The following TFF2 variants were observed in gnomAD, a reference collection of about 807,000 sequenced individuals.
The protein encoded by TFF2 is trefoil factor 2.
TFF2 carries 19 observed loss-of-function variants against 16.0 expected under a neutral mutation model. That is an observed-to-expected ratio of 1.19 (90% CI 0.83 to 1.74). TFF2 has a LOEUF of 1.74. Ranked by LOEUF, TFF2 falls within the 40% of genes most tolerant of loss-of-function variation. The probability of loss-of-function intolerance (pLI) is 0.00; values close to 1 mark genes in which losing one functional copy is unlikely to be tolerated. For missense variants in TFF2, 168 were observed against 166.8 expected (o/e 1.01, Z -0.04); for synonymous variants, 61 against 65.4 (o/e 0.93, Z 0.32).
rs1270153960 is a variant in TFF2 at position 42,350,005 on chromosome 21, G to T, written c.105C>A (p.Ser35Arg). The change falls in exon 2 of 4, where the codon AGC (serine) becomes AGA (arginine). Residue 35 changes from serine (S) to arginine (R), a missense_variant. Transcript: ENST00000291526. ...AGCCGCAGTTCGTCCTGTTATGGGGGCTCAGCCTGGAGCACTGGCAGGGGG... is the reference window on the plus strand; with the variant it reads ...AGCCGCAGTTCGTCCTGTTATGGGGTCTCAGCCTGGAGCACTGGCAGGGGG... The part of the protein sequence containing the change: ...KPSPCQCSRL[S>R]PHNRTNCGFP... 1.9e-6 allele frequency: 3 copies of T among 1,599,744 alleles called. No individual in the cohort carries two copies. The highest frequency in any genetic ancestry group is 1.3e-5 in the African/African-American group (1 of 74,896).
chr21:42,350,230 G>GA, intron 1 of TFF2, 200 bp from the exon 2 acceptor site: 13 of 1,171,410 alleles, frequency 1.1e-5, no homozygotes, highest in South Asian at 7.0e-5. Flanking sequence ...TAGTTTAAAA[G>GA]GAAAAAAAAA....
intron 1 of TFF2, chr21:42,350,231 G>C: frequency 1.0e-6 from 1 of 965,140 alleles, no homozygotes; most frequent in Non-Finnish European, 1.3e-6. Context: ...AGTTTAAAAG[G>C]AAAAAAAAAA....
chr21:42,346,361 G>A lies in TFF2; in HGVS notation c.*172C>T. Reference sequence around the variant, plus strand: ...GTTAATGAAACCAAAAAGAAATTTAGCAGATTTTAAGGGTTTTATTTAAAG... The same window carrying A: ...GTTAATGAAACCAAAAAGAAATTTAACAGATTTTAAGGGTTTTATTTAAAG... On this transcript the variant is annotated 3_prime_UTR_variant, in exon 4 of 4. Coordinates refer to ENST00000291526, the MANE Select transcript of TFF2 (RefSeq NM_005423.5). 2 of 863,720 alleles carry A rather than the reference G, an allele frequency of 2.3e-6. No homozygotes were observed. Among genetic ancestry groups the A allele is most frequent in the South Asian group, 3.4e-5 (2 of 59,062 alleles). 53.5% of individuals were successfully genotyped at this position (863,720 alleles called of 1,614,324 possible).
rs149954957 is a variant in TFF2 at position 42,350,456 on chromosome 21, C to T, written c.79+423G>A. The stretch of plus-strand genomic sequence containing the variant: ...GCTGAGGTGGGAGGATCACTTGAGC[C>T]TGGGAGGCAGAGGTTGCAGTGAGCC... On this transcript the variant is annotated intron_variant, in intron 1 of 3. Coordinates refer to ENST00000291526, the MANE Select transcript of TFF2 (RefSeq NM_005423.5). 73 of 183,944 alleles carry T rather than the reference C, an allele frequency of 4.0e-4. No individual in the cohort carries two copies. In the East Asian group the frequency reaches 0.011, roughly 27 times the overall value. The allele number at this position is 183,944 out of a possible 1,614,324, so 11.4% of individuals were successfully genotyped here. A position where few individuals can be genotyped will look rare whatever the true frequency, so the allele number is the denominator to read the frequency against.
Position 42,349,893 on chromosome 21 carries a change from G to C in TFF2, c.217C>G (p.Leu73Val). ...CCTGGAAGATTACCTTGCTTTGGGA[G>C]GGGGTGGAAACACCAGGGGACCCCA... Reference protein sequence around the residue: ...VTGVPWCFHPLPKQESDQCVM... With the variant: ...VTGVPWCFHPVPKQESDQCVM... The change falls in exon 2 of 4, where the codon CTC becomes GTC. Residue 73 changes from leucine to valine, a missense_variant. Coordinates refer to ENST00000291526, the MANE Select transcript of TFF2 (RefSeq NM_005423.5). The C allele has an allele frequency of 1.3e-6, 2 of 1,597,396 alleles. No individual in the cohort carries two copies. The highest frequency in any genetic ancestry group is 2.3e-5 in the East Asian group (1 of 44,320).
chr21:42,348,306 A>G (rs1261055800), intron 2 of TFF2, among the ~76,000 whole-genome samples: 1 of 152,168 alleles, frequency 6.6e-6, no homozygotes, highest in Non-Finnish European at 1.5e-5. Context: ...GAACCCTAGA[A>G]GGCTTCACTT....
intron 3 of TFF2, among the ~76,000 whole-genome samples, chr21:42,347,251 T>A (rs1398838942): frequency 6.6e-6 from 1 of 152,248 alleles, no homozygotes. Context: ...CCGCTGTTTC[T>A]AGAGCCATCA....
At position 42,347,655 on chromosome 21, in the gene TFF2, C is replaced by T. The variant is rs767772397; in HGVS notation, c.230-23G>A. On this transcript the variant is annotated intron_variant, in intron 2 of 3. Transcript: ENST00000291526. Reference sequence around the variant, plus strand: ...ACTCTGCCATGGGACAGGCACAGCACCGAGACCCAGTCAGGCCTGCTGTGC... The same window carrying T: ...ACTCTGCCATGGGACAGGCACAGCATCGAGACCCAGTCAGGCCTGCTGTGC... 4 of 1,611,866 alleles carry T rather than the reference C, an allele frequency of 2.5e-6. No individual in the cohort carries two copies. The South Asian group carries it at 4.4e-5, about 18-fold the overall frequency.
intron 2 of TFF2, among the ~76,000 whole-genome samples, chr21:42,348,761 C>G (rs2052089577): frequency 2.6e-5 from 4 of 151,904 alleles, no homozygotes; most frequent in African/African-American, 9.7e-5. Context: ...CCAACCTAAC[C>G]AACCTGGGCT....
rs977073263 is a variant in TFF2 at position 42,347,612 on chromosome 21, C to G, written c.250G>C (p.Glu84Gln). The change falls in exon 3 of 4, where the codon GAG becomes CAG. Residue 84 changes from glutamate to glutamine, a missense_variant. By Grantham distance (29) the Glu-to-Gln change is conservative (BLOSUM62 2). Coordinates refer to ENST00000291526, the MANE Select transcript of TFF2 (RefSeq NM_005423.5). Reference sequence around the variant, plus strand: ...CCACAGTTTCTTCGGTCTGAGACCTCCATGACGCACTGATCCGACTCTGCC... The same window carrying G: ...CCACAGTTTCTTCGGTCTGAGACCTGCATGACGCACTGATCCGACTCTGCC... The part of the protein sequence containing the change: ...PKQESDQCVM[E>Q]VSDRRNCGYP... 3.1e-6 allele frequency: 5 copies of G among 1,614,054 alleles called. No individual in the cohort carries two copies. In the African/African-American group the frequency reaches 4.0e-5, roughly 13 times the overall value.
At chr21:42,348,647 G>T (rs1240538303) in intron 2 of TFF2, among the ~76,000 whole-genome samples, 1 of 151,742 alleles carries the variant, frequency 6.6e-6, no homozygotes, top group Admixed American at 6.6e-5. Flanking sequence ...ACTAGTCCCA[G>T]ACTAACCAAT....
chr21:42,346,417 A>G lies in TFF2; in HGVS notation c.*116T>C, dbSNP rs2052067956. On this transcript the variant is annotated 3_prime_UTR_variant, in exon 4 of 4. Transcript: ENST00000291526. ...ATATGTTAAACCATTGAAAATGAGG[A>G]AAAGATGGTTAAGAAAACCCAGGAT... 5 of 1,315,202 alleles carry G rather than the reference A, an allele frequency of 3.8e-6. No homozygotes were observed. In the East Asian group the frequency reaches 1.2e-4, roughly 30 times the overall value. 81.5% of individuals were successfully genotyped at this position (1,315,202 alleles called of 1,614,324 possible). A position where few individuals can be genotyped will look rare whatever the true frequency, so the allele number is the denominator to read the frequency against.
chr21:42,346,369 T>G lies in TFF2; in HGVS notation c.*164A>C, dbSNP rs898372577. On this transcript the variant is annotated 3_prime_UTR_variant, in exon 4 of 4. Transcript: ENST00000291526. ...AACCAAAAAGAAATTTAGCAGATTT[T>G]AAGGGTTTTATTTAAAGAAATTATA... is the stretch of plus-strand genomic sequence containing the variant. 1.1e-6 allele frequency: 1 copy of G among 935,810 alleles called. No homozygotes were observed. Among genetic ancestry groups the G allele is most frequent in the Non-Finnish European group, 1.6e-6 (1 of 614,080 alleles). 58.0% of individuals were successfully genotyped at this position (935,810 alleles called of 1,614,324 possible).
intron 2 of TFF2, among the ~76,000 whole-genome samples, chr21:42,347,888 C>A (rs1320891030): frequency 4.6e-5 from 7 of 152,172 alleles, no homozygotes; most frequent in Admixed American, 4.6e-4. Context: ...GAAGGTGGGG[C>A]CCATGTGGGG....
At chr21:42,350,329 C>T in intron 1 of TFF2, 1 of 351,710 alleles carries the variant, frequency 2.8e-6, no homozygotes, top group Non-Finnish European at 4.4e-6. Context: ...GAGTTCAAGA[C>T]CATCCTGGGC....
In TFF2 at chr21:42,350,972, C is replaced by T; in HGVS notation, c.-15G>A. 1 of 1,613,164 alleles carries T rather than the reference C, an allele frequency of 6.2e-7. No individual in the cohort carries two copies. The highest frequency in any genetic ancestry group is 2.2e-5 in the East Asian group (1 of 44,842). On this transcript the variant is annotated 5_prime_UTR_variant, in exon 1 of 4. Transcript: ENST00000291526. ...CGCCGTCCCATGTCTAGCTCAGCTG[C>T]ACCCCAGGGTGGCTTGCAGAATGCA...
rs1261483261 is a variant in TFF2 at position 42,347,490 on chromosome 21, C to G, written c.372G>C (p.Val124=). 3 of 1,614,190 alleles carry G rather than the reference C, an allele frequency of 1.9e-6. No homozygotes were observed. The South Asian group carries it at 3.3e-5, about 18-fold the overall frequency. The change falls in exon 3 of 4, where the codon GTG becomes GTC. Residue 124 remains valine, a synonymous_variant. Coordinates refer to ENST00000291526, the MANE Select transcript of TFF2 (RefSeq NM_005423.5). The part of the protein sequence containing the change: ...EVPWCFFPKS[V]EDCHY ...AGAGTCCCACAGCGACGTTACCTTC[C>G]ACAGACTTCGGGAAGAAGCACCAGG...
chr21:42,350,153 T>C, intron 1 of TFF2, 123 bp from the exon 2 acceptor site: 3 of 1,388,322 alleles, frequency 2.2e-6, no homozygotes, highest in East Asian at 2.6e-5. Flanking sequence ...AAGTCTTATC[T>C]TGCCCATATT....
At position 42,350,946 on chromosome 21, in the gene TFF2, T is replaced by C. The variant is rs769090533; in HGVS notation, c.12A>G (p.Arg4=). MGR[R]DAQLLAALLV... The stretch of plus-strand genomic sequence containing the variant: ...GGAGCGCTGCCAGGAGCTGGGCGTC[T>C]CGCCGTCCCATGTCTAGCTCAGCTG... Residue 4 remains arginine, a synonymous_variant, in exon 1 of 4, where the codon CGA becomes CGG. Transcript: ENST00000291526. 3 of 1,613,950 alleles carry C rather than the reference T, an allele frequency of 1.9e-6. No homozygotes were observed. Among genetic ancestry groups the C allele is most frequent in the Non-Finnish European group, 2.5e-6 (3 of 1,179,908 alleles).
Sources: allele counts gnomAD v4.1 joint callset (sites outside exome capture counted in the v4.1 genomes callset), GRCh38; gene constraint gnomAD v4.1.1; transcripts MANE v1.5; gene names NCBI Gene and HGNC (gene_info 2026-07-23, HGNC 2026-07-21).